The following NOVA2 variants were observed in gnomAD, a reference collection of about 807,000 sequenced individuals.
NOVA2 encodes the protein NOVA alternative splicing regulator 2, also known as RNA-binding protein Nova-2.
A neutral mutation model predicts 22.5 loss-of-function variants in NOVA2; 9 were observed. That is an observed-to-expected ratio of 0.40 (90% CI 0.24 to 0.70). The LOEUF (loss-of-function observed/expected upper bound fraction) is 0.70. Among genes scored for constraint, NOVA2 ranks in the 30% least tolerant of loss-of-function variants. The probability of loss-of-function intolerance (pLI) is 0.38; values close to 1 mark genes in which losing one functional copy is unlikely to be tolerated. For synonymous variants in NOVA2, 318 were observed against 335.2 expected, an observed-to-expected ratio of 0.95 and a Z score of 0.56; for missense variants, 383 against 682.8, an observed-to-expected ratio of 0.56 and a Z score of 4.89.
At chr19:45,961,202 A>C in intron 1 of NOVA2, 49 bp from the exon 2 acceptor site, 1 of 1,443,444 alleles carries the variant, frequency 6.9e-7, no homozygotes, top group Non-Finnish European at 9.6e-7. Context: ...AGGGGTCTTC[A>C]CCTTTGGAGG....
At chr19:45,953,731 T>C (rs370622794) in intron 3 of NOVA2, 49 bp downstream of exon 3, 4 of 1,608,828 alleles carry the variant, frequency 2.5e-6, no homozygotes, top group Non-Finnish European at 3.4e-6. Flanking sequence ...GAATGTTTCT[T>C]TGTGAATGTC....
In NOVA2 at chr19:45,933,880, T is replaced by TGAGTGGGTGGGGTGGGC. The variant is rs1967624577; in HGVS notation, c.*5966_*5982dup. The TGAGTGGGTGGGGTGGGC allele has an allele frequency of 3.8e-5, 2 of 52,658 alleles. No homozygotes were observed. The highest frequency in any genetic ancestry group is 7.8e-5 in the African/African-American group (1 of 12,802). 3.3% of individuals were successfully genotyped at this position (52,658 alleles called of 1,614,324 possible). A position where few individuals can be genotyped will look rare whatever the true frequency, so the allele number is the denominator to read the frequency against. On this transcript the variant is annotated 3_prime_UTR_variant, in exon 4 of 4. Transcript: ENST00000263257. ...TCACACAACGGACACTGGGGGTGGGTGAGTGGGTGGGGTGGGCGTGGCCCA... is the reference window on the plus strand; with the variant it reads ...TCACACAACGGACACTGGGGGTGGGTGAGTGGGTGGGGTGGGCGAGTGGGTGGGGTGGGCGTGGCCCA...
intron 1 of NOVA2, among the ~76,000 whole-genome samples, chr19:45,962,088 TAGG>T (rs1968104001): frequency 6.6e-6 from 1 of 152,120 alleles, no homozygotes; most frequent in Non-Finnish European, 1.5e-5. Flanking sequence ...ACTTAGGTTT[TAGG>T]AGGATTCCTC....
intron 2 of NOVA2, among the ~76,000 whole-genome samples, chr19:45,955,708 A>C (rs1231425471): frequency 6.6e-6 from 1 of 151,998 alleles, no homozygotes; most frequent in Non-Finnish European, 1.5e-5. Context: ...AAATACAAGA[A>C]TTAGCTGGGC....
chr19:45,966,184 A>G (rs1315562859), intron 1 of NOVA2, among the ~76,000 whole-genome samples: 1 of 152,110 alleles, frequency 6.6e-6, no homozygotes, highest in Non-Finnish European at 1.5e-5. Flanking sequence ...CTCTGCACTC[A>G]GCCTCTCTCT....
At chr19:45,941,306 A>T (rs189412324) in intron 3 of NOVA2, among the ~76,000 whole-genome samples, 2 of 75,454 alleles carry the variant, frequency 2.7e-5, no homozygotes, top group Admixed American at 1.3e-4. Context: ...AATAAAATAA[A>T]ATAATATATA....
At position 45,940,400 on chromosome 19, in the gene NOVA2, G is replaced by A. The variant is rs778633196; in HGVS notation, c.942C>T (p.Ala314=). The change falls in exon 4 of 4, where the codon GCC becomes GCT. Residue 314 remains alanine, a synonymous_variant. Transcript: ENST00000263257. ...AASGVLAAVA[A]GANPAAAAAA... ...CGGCGGCGGCTGCTGGGTTGGCCCC[G>A]GCGGCCACGGCGGCCAGGACGCCGG... 8.3e-6 allele frequency: 12 copies of A among 1,454,262 alleles called. No homozygotes were observed. Among genetic ancestry groups the A allele is most frequent in the African/African-American group, 7.5e-5 (5 of 66,878 alleles). 90.1% of individuals were successfully genotyped at this position (1,454,262 alleles called of 1,614,324 possible).
intron 1 of NOVA2, among the ~76,000 whole-genome samples, chr19:45,968,274 C>T (rs546629099): frequency 6.6e-6 from 1 of 151,890 alleles, no homozygotes; most frequent in East Asian, 1.9e-4. Flanking sequence ...TGGGGTTTGA[C>T]ATCGGTGTTG....
intron 3 of NOVA2, among the ~76,000 whole-genome samples, chr19:45,944,190 C>T (rs1052658413): frequency 2.0e-5 from 3 of 152,124 alleles, no homozygotes; most frequent in Non-Finnish European, 2.9e-5. Flanking sequence ...CCTGTAATCC[C>T]GGCACTTTGG....
rs1241006102 is a variant in NOVA2, at chr19:45,936,423, AG to A, written c.*3439del. On this transcript the variant is annotated 3_prime_UTR_variant, in exon 4 of 4. Transcript: ENST00000263257. Reference sequence around the variant, plus strand: ...AAACTCAGGGTGGGAGGGCTGTGGAAGGGGGACCCAATTTAGCTCCATGTCC... The same window carrying A: ...AAACTCAGGGTGGGAGGGCTGTGGAAGGGGACCCAATTTAGCTCCATGTCC... 6.6e-6 allele frequency: 1 copy of A among 151,648 alleles called. No individual in the cohort carries two copies. Among genetic ancestry groups the A allele is most frequent in the Non-Finnish European group, 1.5e-5 (1 of 67,898 alleles). 9.4% of individuals were successfully genotyped at this position (151,648 alleles called of 1,614,324 possible). A position where few individuals can be genotyped will look rare whatever the true frequency, so the allele number is the denominator to read the frequency against.
Position 45,939,593 on chromosome 19 carries a change from G to T in NOVA2, c.*270C>A. On this transcript the variant is annotated 3_prime_UTR_variant, in exon 4 of 4. Transcript: ENST00000263257. ...AGATATCACACAGACCTGGGCCCTGGGACAGGAAGGGTCAGGCCCAGCCAA... is the reference window on the plus strand; with the variant it reads ...AGATATCACACAGACCTGGGCCCTGTGACAGGAAGGGTCAGGCCCAGCCAA... 1.9e-6 allele frequency: 1 copy of T among 515,186 alleles called. No homozygotes were observed. Among genetic ancestry groups the T allele is most frequent in the Non-Finnish European group, 3.5e-6 (1 of 289,316 alleles). The allele number at this position is 515,186 out of a possible 1,614,324, so 31.9% of individuals were successfully genotyped here.
chr19:45,973,270 C>G lies in NOVA2; in HGVS notation c.82G>C (p.Gly28Arg). Reference sequence around the variant, plus strand: ...CCGAGCCGCAGCCCTTTCTCACCTCCCGTGTTGCTGCGCTTGGTGCAGACC... The same window carrying G: ...CCGAGCCGCAGCCCTTTCTCACCTCGCGTGTTGCTGCGCTTGGTGCAGACC... ...EVVCTKRSNT[G>R]EEGEYFLKVL... Residue 28 changes from glycine to arginine, a missense_variant, in exon 1 of 4, where the codon GGA becomes CGA. By Grantham distance (125) the Gly-to-Arg change is moderately radical. Around this residue, in one of 2 missense-constraint regions of NOVA2, gnomAD observed 349 missense variants for 578.1 expected, o/e 0.60. Coordinates refer to ENST00000263257, the MANE Select transcript of NOVA2 (RefSeq NM_002516.4). 2 of 1,464,200 alleles carry G rather than the reference C, an allele frequency of 1.4e-6. No homozygotes were observed. Among genetic ancestry groups the G allele is most frequent in the Non-Finnish European group, 9.1e-7 (1 of 1,103,780 alleles). The allele number at this position is 1,464,200 out of a possible 1,614,324, so 90.7% of individuals were successfully genotyped here. A position where few individuals can be genotyped will look rare whatever the true frequency, so the allele number is the denominator to read the frequency against.
chr19:45,969,995 G>A (rs983274846), intron 1 of NOVA2, among the ~76,000 whole-genome samples: 1 of 152,154 alleles, frequency 6.6e-6, no homozygotes, highest in African/African-American at 2.4e-5. Flanking sequence ...AAAGCCCTCT[G>A]AGCCTCAGTT....
At chr19:45,968,542 T>C (rs1227796450) in intron 1 of NOVA2, among the ~76,000 whole-genome samples, 2 of 151,904 alleles carry the variant, frequency 1.3e-5, no homozygotes, top group Admixed American at 1.3e-4. Flanking sequence ...TGAATCACCA[T>C]TGGATGGTGG....
rs1227246559 is a variant in NOVA2 at position 45,938,354 on chromosome 19, A to C, written c.*1509T>G. ...TGAGCACACCAAAACATTCTGATCC[A>C]TCAGACATCACCGAAGTATGCCAGC... On this transcript the variant is annotated 3_prime_UTR_variant, in exon 4 of 4. Transcript: ENST00000263257. 2 of 152,414 alleles carry C rather than the reference A, an allele frequency of 1.3e-5. No individual in the cohort carries two copies. The highest frequency in any genetic ancestry group is 3.9e-4 in the East Asian group (2 of 5,192). The allele number at this position is 152,414 out of a possible 1,614,324, so 9.4% of individuals were successfully genotyped here.
chr19:45,943,772 T>TC (rs1037669003), intron 3 of NOVA2, among the ~76,000 whole-genome samples: 1 of 145,148 alleles, frequency 6.9e-6, no homozygotes, highest in Non-Finnish European at 1.5e-5. Context: ...TGAGACCCTA[T>TC]CCCCCCCAAA....
Position 45,961,230 on chromosome 19 carries a change from C to T in NOVA2, c.86-77G>A, listed in dbSNP as rs1968091939. 2.4e-5 allele frequency: 23 copies of T among 951,758 alleles called. 1 individual carries two copies. In the South Asian group the frequency reaches 3.4e-4, roughly 14 times the overall value. 59.0% of individuals were successfully genotyped at this position (951,758 alleles called of 1,614,324 possible). A position where few individuals can be genotyped will look rare whatever the true frequency, so the allele number is the denominator to read the frequency against. Reference sequence around the variant, plus strand: ...TTTGGAGGGGGTGAGCAGAGGAAACCCCAGGGGTCACAGTAGCAGTATGGA... The same window carrying T: ...TTTGGAGGGGGTGAGCAGAGGAAACTCCAGGGGTCACAGTAGCAGTATGGA... On this transcript the variant is annotated intron_variant, in intron 1 of 3. Transcript: ENST00000263257.
intron 3 of NOVA2, among the ~76,000 whole-genome samples, chr19:45,942,421 C>T (rs1034214022): frequency 6.6e-6 from 1 of 152,078 alleles, no homozygotes; most frequent in African/African-American, 2.4e-5. Flanking sequence ...CCTGCTGACA[C>T]CTTGATCTTG....
intron 3 of NOVA2, among the ~76,000 whole-genome samples, chr19:45,951,562 G>A (rs1967925097): frequency 6.6e-6 from 1 of 151,480 alleles, no homozygotes. Context: ...AGGTTGCAGT[G>A]AGCTGAGACC....
Sources: allele counts gnomAD v4.1 joint callset (sites outside exome capture counted in the v4.1 genomes callset), GRCh38; gene constraint gnomAD v4.1.1; regional missense constraint gnomAD v4.1.1; transcripts MANE v1.5; gene names NCBI Gene and HGNC (gene_info 2026-07-23, HGNC 2026-07-21).